RSU1: variants seen among roughly 807,000 people sequenced by gnomAD.
RSU1 encodes the protein rsu-1.
In RSU1, 26 loss-of-function variants were observed where a neutral mutation model predicts 31.1. The ratio of observed to expected loss-of-function variants is 0.84; its 90% CI spans 0.61 to 1.16. RSU1 has a LOEUF of 1.16. RSU1 is among the 50% of genes most tolerant of loss of function. The pLI is 0.00. For synonymous variants in RSU1, 164 were observed against 136.3 expected, an observed-to-expected ratio of 1.20 and a Z score of -1.41; for missense variants, 320 against 339.1, an observed-to-expected ratio of 0.94 and a Z score of 0.44.
intron 7 of RSU1, among the ~76,000 whole-genome samples, chr10:16,720,217 G>T (rs1836225642): frequency 6.6e-6 from 1 of 152,128 alleles, no homozygotes; most frequent in African/African-American, 2.4e-5. Flanking sequence ...GTTCTTTGGG[G>T]TCAAGGCAAC....
At chr10:16,613,161 G>A (rs1308578949) in intron 8 of RSU1, among the ~76,000 whole-genome samples, 1 of 152,112 alleles carries the variant, frequency 6.6e-6, no homozygotes, top group Admixed American at 6.5e-5. Context: ...TGCTTTAAAG[G>A]ACACTAACTC....
intron 2 of RSU1, among the ~76,000 whole-genome samples, chr10:16,796,657 A>C (rs985792613): frequency 6.6e-6 from 1 of 152,184 alleles, no homozygotes; most frequent in African/African-American, 2.4e-5. Flanking sequence ...CAGATACTAC[A>C]TACACATTAT....
At chr10:16,649,662 G>A (rs1427961486) in intron 8 of RSU1, among the ~76,000 whole-genome samples, 2 of 151,970 alleles carry the variant, frequency 1.3e-5, no homozygotes, top group African/African-American at 4.8e-5. Context: ...GGGGGCACAC[G>A]GCACAACAGA....
At chr10:16,696,965 T>C (rs552171075) in intron 7 of RSU1, among the ~76,000 whole-genome samples, 89 of 152,336 alleles carry the variant, frequency 5.8e-4, no homozygotes, top group African/African-American at 2.1e-3. Flanking sequence ...TCAATTTATC[T>C]TGTCTTCCAT....
intron 4 of RSU1, among the ~76,000 whole-genome samples, chr10:16,763,959 A>G (rs2131630885): frequency 6.6e-6 from 1 of 152,324 alleles, no homozygotes; most frequent in Non-Finnish European, 1.5e-5. Context: ...GCATAAATGA[A>G]TGAAGCATCA....
At chr10:16,798,834 T>C (rs565445751) in intron 2 of RSU1, among the ~76,000 whole-genome samples, 1 of 151,980 alleles carries the variant, frequency 6.6e-6, no homozygotes, top group African/African-American at 2.4e-5. Flanking sequence ...CAATGCTTTA[T>C]GCCAGAAGAA....
intron 8 of RSU1, among the ~76,000 whole-genome samples, chr10:16,664,282 A>G (rs1256748145): frequency 1.3e-5 from 2 of 152,166 alleles, no homozygotes; most frequent in Non-Finnish European, 2.9e-5. Context: ...TATCGTCCCA[A>G]TGAGGAATTC....
At chr10:16,797,940 T>C (rs539010464) in intron 2 of RSU1, among the ~76,000 whole-genome samples, 8 of 149,934 alleles carry the variant, frequency 5.3e-5, no homozygotes, top group African/African-American at 2.0e-4. Context: ...CGGCTCACTG[T>C]AACCTCCGCC....
At chr10:16,801,098 A>AAAT (rs1564362853) in intron 2 of RSU1, among the ~76,000 whole-genome samples, 1 of 126,576 alleles carries the variant, frequency 7.9e-6, no homozygotes, top group East Asian at 2.6e-4. Context: ...TCTTTTTTTT[A>AAAT]AAAAAAAAAA....
At chr10:16,776,335 C>T (rs1169341639) in intron 3 of RSU1, among the ~76,000 whole-genome samples, 5 of 152,042 alleles carry the variant, frequency 3.3e-5, no homozygotes, top group African/African-American at 4.8e-5. Flanking sequence ...ATGTATACAT[C>T]TGCATAAAAT....
intron 2 of RSU1, among the ~76,000 whole-genome samples, chr10:16,804,221 T>A (rs1368722988): frequency 6.6e-6 from 1 of 152,152 alleles, no homozygotes; most frequent in East Asian, 1.9e-4. Flanking sequence ...GAAAAGATGC[T>A]CGGCATCATA....
At chr10:16,735,886 G>C (rs187039305) in intron 7 of RSU1, among the ~76,000 whole-genome samples, 33 of 152,142 alleles carry the variant, frequency 2.2e-4, no homozygotes, top group Admixed American at 1.8e-3. Context: ...ATTTGGGTGG[G>C]GGCACAGCCA....
intron 8 of RSU1, among the ~76,000 whole-genome samples, chr10:16,622,356 G>C (rs1452014317): frequency 6.6e-6 from 1 of 152,162 alleles, no homozygotes; most frequent in Non-Finnish European, 1.5e-5. Flanking sequence ...AACTGTGCTT[G>C]TAACAATATA....
chr10:16,602,023 T>C (rs1416123883), intron 8 of RSU1, among the ~76,000 whole-genome samples: 1 of 152,228 alleles, frequency 6.6e-6, no homozygotes, highest in Non-Finnish European at 1.5e-5. Context: ...AAGCCTTTCC[T>C]GACAGCCAAC....
intron 7 of RSU1, among the ~76,000 whole-genome samples, chr10:16,703,737 T>C (rs1217923630): frequency 6.6e-6 from 1 of 152,274 alleles, no homozygotes; most frequent in East Asian, 1.9e-4. Flanking sequence ...ACCATAAATA[T>C]ATACACAGGT....
intron 2 of RSU1, among the ~76,000 whole-genome samples, chr10:16,785,437 T>TACACAC (rs780607775): frequency 5.1e-5 from 7 of 136,378 alleles, no homozygotes; most frequent in African/African-American, 1.8e-4. Context: ...CATATATATA[T>TACACAC]ATACACATAT....
In RSU1 at chr10:16,593,587, C is replaced by T. The variant is rs1040267656; in HGVS notation, c.732-91G>A. Reference sequence around the variant, plus strand: ...GAGCTTTCAGGAATAGAAGAATCTCCAAAAATATTCAGTAAGCCAAAGAAA... The same window carrying T: ...GAGCTTTCAGGAATAGAAGAATCTCTAAAAATATTCAGTAAGCCAAAGAAA... On this transcript the variant is annotated intron_variant, in intron 8 of 8. Transcript: ENST00000345264. 4 of 970,816 alleles carry T rather than the reference C, an allele frequency of 4.1e-6. No homozygotes were observed. In the African/African-American group the frequency reaches 4.9e-5, roughly 12 times the overall value. The allele number at this position is 970,816 out of a possible 1,614,324, so 60.1% of individuals were successfully genotyped here.
intron 2 of RSU1, among the ~76,000 whole-genome samples, chr10:16,809,315 G>T (rs764944039): frequency 2.0e-5 from 3 of 152,168 alleles, no homozygotes; most frequent in Non-Finnish European, 4.4e-5. Context: ...AGATGCTCTG[G>T]TTGACTGTAA....
rs572106978 is a variant in RSU1, at chr10:16,718,655, T to C, written c.599-23500A>G. Among the ~76,000 whole-genome samples, 8 of 152,204 alleles carry C rather than the reference T, an allele frequency of 5.3e-5. No individual in the cohort carries two copies. In the South Asian group the frequency reaches 1.2e-3, roughly 24 times the overall value. ...ACTCATGGCTCAAATTTTATACAAC[T>C]GTATTTAAAAATTGTAAAATAAAGT... On this transcript the variant is annotated intron_variant, in intron 7 of 8. Transcript: ENST00000345264.
Sources: gnomAD v4.1 joint callset for allele counts (sites outside exome capture counted in the v4.1 genomes callset) on GRCh38, gnomAD v4.1.1 for gene constraint, MANE v1.5 for transcripts, NCBI Gene and HGNC (gene_info 2026-07-23, HGNC 2026-07-21) for gene names.